Variants in ASPM observed in about 807,000 individuals in gnomAD.
ASPM encodes assembly factor for spindle microtubules.
ASPM carries 256 observed loss-of-function variants against 366.4 expected under a neutral mutation model. The observed-to-expected ratio is 0.70, with a 90% confidence interval of 0.63 to 0.77. The LOEUF is 0.77. Among genes scored for constraint, ASPM ranks in the 30% least tolerant of loss-of-function variants. The pLI is 0.00. For synonymous variants in ASPM, 1,414 were observed against 1,342.9 expected, an observed-to-expected ratio of 1.05 and a Z score of -1.16; for missense variants, 4,146 against 4,090.4, an observed-to-expected ratio of 1.01 and a Z score of -0.37.
chr1:197,096,222 TAAGAC>T, intron 18 of ASPM, 58 bp from the exon 19 acceptor site: 1 of 1,412,364 alleles, frequency 7.1e-7, no homozygotes, highest in Non-Finnish European at 9.9e-7. Flanking sequence ...TTTTTGTAAA[TAAGAC>T]AAATCAGTAT....
At chr1:197,112,525 A>AG (rs757673825) in intron 17 of ASPM, among the ~76,000 whole-genome samples, 75 of 152,312 alleles carry the variant, frequency 4.9e-4, no homozygotes, top group Non-Finnish European at 9.3e-4. Flanking sequence ...CTAAGCTTAA[A>AG]GAAAAACTCA....
intron 13 of ASPM, 102 bp from the exon 14 acceptor site, chr1:197,122,697 G>A (rs1295130643): frequency 1.7e-6 from 2 of 1,151,234 alleles, no homozygotes; most frequent in Admixed American, 2.0e-5. Context: ...AGACTGGAGT[G>A]ACAAATCTAC....
At chr1:197,107,629 GACA>G (rs199588890) in intron 17 of ASPM, among the ~76,000 whole-genome samples, 1,646 of 152,190 alleles carry the variant, frequency 0.011, 34 homozygotes, top group African/African-American at 0.038. Context: ...GGAATTAACT[GACA>G]ACGACTTTAG....
At chr1:197,112,578 A>C (rs948275709) in intron 17 of ASPM, among the ~76,000 whole-genome samples, 1 of 152,242 alleles carries the variant, frequency 6.6e-6, no homozygotes, top group East Asian at 1.9e-4. Context: ...CATTCTATTC[A>C]GCTACCCCTG....
chr1:197,139,707 G>T, intron 4 of ASPM, 60 bp downstream of exon 4: 1 of 1,239,410 alleles, frequency 8.1e-7, no homozygotes, highest in Non-Finnish European at 1.2e-6. Context: ...CATGTGAAAT[G>T]CAATTAATGC....
In ASPM at chr1:197,100,510, A is replaced by G. The variant is rs200856894; in HGVS notation, c.8741T>C (p.Ile2914Thr). 435 of 1,610,468 alleles carry G rather than the reference A, an allele frequency of 2.7e-4. No individual in the cohort carries two copies. The highest frequency in any genetic ancestry group is 3.6e-4 in the Non-Finnish European group (419 of 1,177,864). The change falls in exon 18 of 28, where the codon ATC (isoleucine) becomes ACC (threonine). Residue 2914 changes from isoleucine to threonine, a missense_variant. Ile to Thr is a moderately conservative substitution (Grantham distance 89). Coordinates refer to ENST00000367409, the MANE Select transcript of ASPM (RefSeq NM_018136.5). ...QVYLQIRSSVIIIQARSKGFI... is the reference protein window; with the variant it reads ...QVYLQIRSSVTIIQARSKGFI... ...TCCTTTACTTCTAGCTTGAATAATG[A>G]TAACACTGCTTCTGATCTGTAAATA...
intron 12 of ASPM, 137 bp from the exon 13 acceptor site, chr1:197,124,468 AAAT>A (rs1658021693): frequency 4.1e-6 from 3 of 727,002 alleles, no homozygotes; most frequent in Admixed American, 2.9e-5. Flanking sequence ...AAATCAAAGA[AAAT>A]AAAGTGCCTG....
intron 3 of ASPM, among the ~76,000 whole-genome samples, chr1:197,141,926 A>G (rs1658595617): frequency 6.6e-6 from 1 of 152,180 alleles, no homozygotes; most frequent in African/African-American, 2.4e-5. Context: ...GATACCCAAT[A>G]TGTACAATTC....
Position 197,143,373 on chromosome 1 carries a change from A to G in ASPM, c.879T>C (p.Asn293=). The change falls in exon 3 of 28, where the codon AAT becomes AAC. Residue 293 remains asparagine, a synonymous_variant. Coordinates refer to ENST00000367409, the MANE Select transcript of ASPM (RefSeq NM_018136.5). The part of the protein sequence containing the change: ...SVNVNGQRGE[N]SKLSLTPNCS... ...AGTTGGGGGTAAGACTAAGTTTACT[A>G]TTCTCTCCTCTTTGGCCATTAACAT... 6.2e-7 allele frequency: 1 copy of G among 1,613,598 alleles called. No homozygotes were observed. Among genetic ancestry groups the G allele is most frequent in the African/African-American group, 1.3e-5 (1 of 75,054 alleles).
At chr1:197,099,648 T>G (rs1657093722) in intron 18 of ASPM, among the ~76,000 whole-genome samples, 1 of 151,726 alleles carries the variant, frequency 6.6e-6, no homozygotes, top group Non-Finnish European at 1.5e-5. Flanking sequence ...TATATCTTAC[T>G]CATTGTCTAT....
In ASPM at chr1:197,129,947, C is replaced by T. The variant is rs1347895014; in HGVS notation, c.2597G>A (p.Arg866Lys). ...ATACAGGTGAGGAACAGTGGGGTGT[C>T]TATACTCAGCTGCTATATCAGGATT... ...LWNPDIAAEY[R>K]HPTVPHLYRD... is the part of the protein sequence containing the mutation. Residue 866 changes from arginine to lysine, a missense_variant, in exon 8 of 28, where the codon AGA (arginine) becomes AAA (lysine). This residue lies in a region of ASPM where 3,624 missense variants were observed against 3,591.7 expected (regional missense o/e 1.01). Coordinates refer to ENST00000367409, the MANE Select transcript of ASPM (RefSeq NM_018136.5). 3 of 1,613,794 alleles carry T rather than the reference C, an allele frequency of 1.9e-6. No individual in the cohort carries two copies. Among genetic ancestry groups the T allele is most frequent in the African/African-American group, 2.7e-5 (2 of 74,918 alleles).
chr1:197,115,139 AGTT>A (rs959802619), intron 17 of ASPM, among the ~76,000 whole-genome samples: 1 of 152,070 alleles, frequency 6.6e-6, no homozygotes, highest in African/African-American at 2.4e-5. Flanking sequence ...CAGCCTCCCA[AGTT>A]GTTGAGATTA....
At chr1:197,132,429 A>G (rs907288299) in intron 6 of ASPM, 77 bp from the exon 7 acceptor site, 11 of 1,231,744 alleles carry the variant, frequency 8.9e-6, no homozygotes, top group African/African-American at 1.5e-5. Flanking sequence ...CAAGGAGAGT[A>G]TATCAGTGGG....
At position 197,086,875 on chromosome 1, in the gene ASPM, T is replaced by C. The variant is rs1383055393; in HGVS notation, c.10259A>G (p.Lys3420Arg). 2 of 1,611,532 alleles carry C rather than the reference T, an allele frequency of 1.2e-6. No individual in the cohort carries two copies. Among genetic ancestry groups the C allele is most frequent in the Admixed American group, 3.3e-5 (2 of 60,012 alleles). Residue 3420 changes from lysine to arginine, a missense_variant, in exon 27 of 28, where the codon AAG (lysine) becomes AGG (arginine). Coordinates refer to ENST00000367409, the MANE Select transcript of ASPM (RefSeq NM_018136.5). ...GCTTATAGAAGAATTCTTCTTTTGC[T>C]TGTAAAGTATTCTTTCAGTATTCAT... ...HKMNTERILY[K>R]QKKNSSISIP...
chr1:197,136,805 A>AGCT (rs1327947336), intron 4 of ASPM, among the ~76,000 whole-genome samples: 12 of 152,164 alleles, frequency 7.9e-5, no homozygotes, highest in Admixed American at 3.3e-4. Flanking sequence ...ATAAAACTGG[A>AGCT]GCTGAAAGAG....
chr1:197,121,433 T>A (rs1657903586), intron 16 of ASPM, among the ~76,000 whole-genome samples: 1 of 152,170 alleles, frequency 6.6e-6, no homozygotes, highest in Non-Finnish European at 1.5e-5. Context: ...AAGGATAAAG[T>A]AGAAGACAGC....
Position 197,125,189 on chromosome 1 carries a change from C to T in ASPM, c.2939G>A (p.Arg980Gln), listed in dbSNP as rs751556744. The change falls in exon 11 of 28, where the codon CGA (arginine) becomes CAA (glutamine). Residue 980 changes from arginine (R) to glutamine (Q), a missense_variant and splice_region_variant. Arg to Gln is a conservative substitution (Grantham distance 43). This residue lies in a region of ASPM where 3,624 missense variants were observed against 3,591.7 expected (regional missense o/e 1.01). Coordinates refer to ENST00000367409, the MANE Select transcript of ASPM (RefSeq NM_018136.5). The part of the protein sequence containing the change: ...VDLQCGVRLV[R>Q]TMELLTQNWD... ...GTTCTGTGTGAGAAGTTCCATGGTT[C>T]GCCTGGCAGTAATAAAATGTTCAGA... is the stretch of plus-strand genomic sequence containing the variant. 2.7e-5 allele frequency: 44 copies of T among 1,613,680 alleles called. No individual in the cohort carries two copies. Among genetic ancestry groups the T allele is most frequent in the Non-Finnish European group, 3.5e-5 (41 of 1,179,854 alleles).
chr1:197,137,094 A>T (rs1658441848), intron 4 of ASPM, among the ~76,000 whole-genome samples: 1 of 152,212 alleles, frequency 6.6e-6, no homozygotes, highest in South Asian at 2.1e-4. Flanking sequence ...ATATGGAATA[A>T]TATTGGTGAT....
At position 197,101,610 on chromosome 1, in the gene ASPM, T is replaced by C; in HGVS notation, c.7641A>G (p.Arg2547=). 1 of 1,611,042 alleles carries C rather than the reference T, an allele frequency of 6.2e-7. No individual in the cohort carries two copies. The highest frequency in any genetic ancestry group is 8.5e-7 in the Non-Finnish European group (1 of 1,178,978). Residue 2547 remains arginine, a synonymous_variant, in exon 18 of 28, where the codon AGA becomes AGG. Transcript: ENST00000367409. Reference sequence around the variant, plus strand: ...CTTTGTGTTTTTCCCTTAAAAGTTGTCTTGCTTTCATTCCTTTATATGCAG... The same window carrying C: ...CTTTGTGTTTTTCCCTTAAAAGTTGCCTTGCTTTCATTCCTTTATATGCAG... ...IQAAYKGMKA[R]QLLREKHKAS...
Sources: allele counts gnomAD v4.1 joint callset (sites outside exome capture counted in the v4.1 genomes callset), GRCh38; gene constraint gnomAD v4.1.1; regional missense constraint gnomAD v4.1.1; transcripts MANE v1.5; gene names NCBI Gene and HGNC (gene_info 2026-07-23, HGNC 2026-07-21).